Variants in BARX2 observed in about 807,000 individuals in gnomAD.
BARX2 encodes the protein homeobox protein BarH-like 2.
In BARX2, 11 loss-of-function variants were observed where a neutral mutation model predicts 25.5. The observed-to-expected ratio is 0.43, with a 90% CI of 0.27 to 0.71. The LOEUF (loss-of-function observed/expected upper bound fraction) is 0.71, where lower values mean the gene tolerates loss of function less well. Ranked by LOEUF, BARX2 falls within the 30% of genes least tolerant of loss-of-function variation. The pLI is 0.19. For synonymous variants in BARX2, 137 were observed against 149.5 expected, an observed-to-expected ratio of 0.92 and a Z score of 0.61; for missense variants, 360 against 359.9, an observed-to-expected ratio of 1.00 and a Z score of 0.00.
chr11:129,404,780 G>A (rs1481691464), intron 1 of BARX2, among the ~76,000 whole-genome samples: 2 of 152,120 alleles, frequency 1.3e-5, no homozygotes, highest in Non-Finnish European at 2.9e-5. Flanking sequence ...CCTGGTGGAG[G>A]AGCCATTCCG....
At chr11:129,422,929 C>G (rs533638616) in intron 1 of BARX2, among the ~76,000 whole-genome samples, 26 of 151,642 alleles carry the variant, frequency 1.7e-4, no homozygotes, top group African/African-American at 5.8e-4. Flanking sequence ...TCTCAGACTC[C>G]CGACCTCAGA....
intron 3 of BARX2, among the ~76,000 whole-genome samples, chr11:129,445,033 TAAAAA>T (rs973147053): frequency 2.6e-5 from 4 of 151,560 alleles, no homozygotes; most frequent in Admixed American, 6.6e-5. Context: ...AAATAAATAA[TAAAAA>T]TAAAATAAAA....
Position 129,451,274 on chromosome 11 carries a change from C to A in BARX2, c.712C>A (p.Gln238Lys), listed in dbSNP as rs1415877702. 6.2e-7 allele frequency: 1 copy of A among 1,614,072 alleles called. No individual in the cohort carries two copies. Among genetic ancestry groups the A allele is most frequent in the Non-Finnish European group, 8.5e-7 (1 of 1,180,050 alleles). ...GGGTCAGGAGCAGCTGGAGCCCTCT[C>A]AGGGGCAGGAGGAGCTCTGTGAAGC... Reference protein sequence around the residue: ...AQGQEQLEPSQGQEELCEAQE... With the variant: ...AQGQEQLEPSKGQEELCEAQE... Residue 238 changes from glutamine to lysine, a missense_variant, in exon 4 of 4, where the codon CAG becomes AAG. This residue lies in a region of BARX2 where 114 missense variants were observed against 109.4 expected (regional missense o/e 1.04). Transcript: ENST00000281437.
At chr11:129,407,361 G>T (rs531171184) in intron 1 of BARX2, among the ~76,000 whole-genome samples, 1 of 152,152 alleles carries the variant, frequency 6.6e-6, no homozygotes, top group Non-Finnish European at 1.5e-5. Flanking sequence ...CCTCATTAGG[G>T]GCTCATTTAG....
intron 1 of BARX2, among the ~76,000 whole-genome samples, chr11:129,410,826 T>C (rs771385725): frequency 3.5e-4 from 53 of 152,266 alleles, no homozygotes; most frequent in Non-Finnish European, 6.3e-4. Context: ...CACACAGCCA[T>C]CCATTAAACT....
At chr11:129,424,893 G>A (rs1862046392) in intron 1 of BARX2, among the ~76,000 whole-genome samples, 1 of 152,178 alleles carries the variant, frequency 6.6e-6, no homozygotes, top group Non-Finnish European at 1.5e-5. Flanking sequence ...GCAGTGTTGT[G>A]ACTTCTTAGT....
At chr11:129,421,482 A>G (rs1862003706) in intron 1 of BARX2, among the ~76,000 whole-genome samples, 1 of 152,194 alleles carries the variant, frequency 6.6e-6, no homozygotes, top group African/African-American at 2.4e-5. Flanking sequence ...TGTGCATTGG[A>G]TGCATAATCA....
At chr11:129,450,256 T>G (rs565199218) in intron 3 of BARX2, among the ~76,000 whole-genome samples, 2 of 152,306 alleles carry the variant, frequency 1.3e-5, no homozygotes, top group South Asian at 4.1e-4. Flanking sequence ...TTATAACATA[T>G]TTTTTCTGAT....
At chr11:129,377,818 C>T (rs1234487816) in intron 1 of BARX2, among the ~76,000 whole-genome samples, 2 of 152,162 alleles carry the variant, frequency 1.3e-5, no homozygotes, top group African/African-American at 2.4e-5. Flanking sequence ...AGCCTAGTGC[C>T]GGCAGAATTT....
At chr11:129,380,696 C>T (rs554384241) in intron 1 of BARX2, among the ~76,000 whole-genome samples, 55 of 152,202 alleles carry the variant, frequency 3.6e-4, no homozygotes, top group Non-Finnish European at 6.6e-4. Flanking sequence ...GAGGGATGCA[C>T]GGGATCTGGG....
At position 129,451,457 on chromosome 11, in the gene BARX2, G is replaced by A; in HGVS notation, c.*55G>A. 1 of 1,573,954 alleles carries A rather than the reference G, an allele frequency of 6.4e-7. No homozygotes were observed. Among genetic ancestry groups the A allele is most frequent in the Non-Finnish European group, 8.7e-7 (1 of 1,155,954 alleles). ...CTGGGGAGAAGGGAAAAGAGAGAAG[G>A]CAGGGAGAGTAGGGAGAGAAAACCT... On this transcript the variant is annotated 3_prime_UTR_variant, in exon 4 of 4. Transcript: ENST00000281437.
At chr11:129,382,841 C>G (rs1861581934) in intron 1 of BARX2, among the ~76,000 whole-genome samples, 1 of 152,140 alleles carries the variant, frequency 6.6e-6, no homozygotes, top group South Asian at 2.1e-4. Context: ...CAAAAGACCA[C>G]TGTGCTGCAG....
intron 3 of BARX2, 87 bp from the exon 4 acceptor site, chr11:129,451,049 A>C: frequency 6.7e-7 from 1 of 1,490,980 alleles, no homozygotes. Flanking sequence ...CAGATGGTTT[A>C]GATGCAACGT....
At chr11:129,378,182 C>T (rs994843356) in intron 1 of BARX2, among the ~76,000 whole-genome samples, 6 of 152,302 alleles carry the variant, frequency 3.9e-5, no homozygotes, top group African/African-American at 1.4e-4. Flanking sequence ...CCAGTACTTT[C>T]TTCTTTCGGA....
chr11:129,406,636 C>T (rs1861833182), intron 1 of BARX2, among the ~76,000 whole-genome samples: 1 of 152,206 alleles, frequency 6.6e-6, no homozygotes, highest in African/African-American at 2.4e-5. Context: ...CAAGGCTCTG[C>T]TCTCTGAGAA....
rs1482475052 is a variant in BARX2, at chr11:129,376,941, T to C, written c.187+719T>C. On this transcript the variant is annotated intron_variant, in intron 1 of 3. Transcript: ENST00000281437. This position sits in a 1 kb window ranked among gnomAD's most constrained non-coding sequence, Gnocchi z 4.2. ...AAAGATAAAGAGAACTTAATACATATATTGAAAACGTAGTAGAGTTTCTAT... is the reference window on the plus strand; with the variant it reads ...AAAGATAAAGAGAACTTAATACATACATTGAAAACGTAGTAGAGTTTCTAT... Among the ~76,000 whole-genome samples the C allele has an allele frequency of 6.6e-6, 1 of 152,244 alleles. No homozygotes were observed. The highest frequency in any genetic ancestry group is 1.5e-5 in the Non-Finnish European group (1 of 68,050).
chr11:129,423,139 C>T (rs534343728), intron 1 of BARX2, among the ~76,000 whole-genome samples: 11 of 140,312 alleles, frequency 7.8e-5, no homozygotes, highest in African/African-American at 2.7e-4. Context: ...TTTCCCAAGA[C>T]GGAGTCTTGC....
chr11:129,400,525 T>C (rs1861764975), intron 1 of BARX2, among the ~76,000 whole-genome samples: 1 of 152,190 alleles, frequency 6.6e-6, no homozygotes. Flanking sequence ...ACAGATAGTA[T>C]GTGTCTGGGA....
intron 1 of BARX2, among the ~76,000 whole-genome samples, chr11:129,381,389 G>C (rs1861562354): frequency 6.6e-6 from 1 of 151,976 alleles, no homozygotes; most frequent in Admixed American, 6.6e-5. Context: ...GTTTTGTTTT[G>C]TTTTGTTTGT....
Sources: gnomAD v4.1 joint callset for allele counts (sites outside exome capture counted in the v4.1 genomes callset) on GRCh38, gnomAD v4.1.1 for gene constraint, gnomAD v4.1.1 regional missense constraint, Gnocchi (gnomAD v3.1) non-coding constraint, MANE v1.5 for transcripts, NCBI Gene and HGNC (gene_info 2026-07-23, HGNC 2026-07-21) for gene names.